FARP1: variants seen among roughly 807,000 people sequenced by gnomAD.
FARP1 encodes the protein FERM, ARH/RhoGEF and pleckstrin domain protein 1.
Under a neutral mutation model 128.8 loss-of-function variants are expected in FARP1, and 52 were observed. That is an observed-to-expected ratio of 0.40 (90% confidence interval 0.32 to 0.51). FARP1 has a LOEUF of 0.51. Ranked by LOEUF, FARP1 falls within the 20% of genes least tolerant of loss-of-function variation. FARP1 has a pLI of 0.45. For missense variants in FARP1, 1,333 were observed against 1,367.9 expected (o/e 0.97, Z 0.40); for synonymous variants, 580 against 551.8 (o/e 1.05, Z -0.72).
intron 16 of FARP1, among the ~76,000 whole-genome samples, chr13:98,422,834 G>A (rs1390665772): frequency 1.3e-5 from 2 of 152,168 alleles, no homozygotes; most frequent in African/African-American, 4.8e-5. Flanking sequence ...CGTTGCCGGA[G>A]GGTTCTTAGC....
At chr13:98,268,602 G>A (rs534443336) in intron 2 of FARP1, among the ~76,000 whole-genome samples, 1 of 152,094 alleles carries the variant, frequency 6.6e-6, no homozygotes, top group South Asian at 2.1e-4. Context: ...TGAGTACCTG[G>A]GATTACAGGC....
intron 26 of FARP1, 71 bp downstream of exon 26, chr13:98,446,888 C>T (rs1177820825): frequency 6.5e-7 from 1 of 1,544,606 alleles, no homozygotes; most frequent in African/African-American, 1.4e-5. Context: ...AGGATTTCTC[C>T]CAAGTCAGCG....
chr13:98,304,958 G>A (rs1886076942), intron 2 of FARP1, among the ~76,000 whole-genome samples: 1 of 152,106 alleles, frequency 6.6e-6, no homozygotes. Context: ...AGCCTCATCT[G>A]TCTGTGGTCT....
At chr13:98,206,177 TTGTGTGTGTGTGTG>T (rs3138577) in intron 1 of FARP1, among the ~76,000 whole-genome samples, 78 of 146,552 alleles carry the variant, frequency 5.3e-4, no homozygotes, top group South Asian at 1.6e-3. Flanking sequence ...TGACTTGAGG[TTGTGTGTGTGTGTG>T]TGTGTGTGTG....
intron 16 of FARP1, among the ~76,000 whole-genome samples, chr13:98,414,469 G>T (rs1594509130): frequency 6.6e-6 from 1 of 152,154 alleles, no homozygotes; most frequent in African/African-American, 2.4e-5. Context: ...AAGGGAAAAA[G>T]GCTGAGTGTG....
At chr13:98,366,194 C>T (rs1276468014) in intron 4 of FARP1, among the ~76,000 whole-genome samples, 2 of 152,122 alleles carry the variant, frequency 1.3e-5, no homozygotes, top group African/African-American at 4.8e-5. Context: ...ATGAAGCTTA[C>T]AGTACCTATG....
chr13:98,213,275 A>G lies in FARP1; in HGVS notation c.33A>G (p.Gly11=). The G allele has an allele frequency of 1.2e-6, 2 of 1,614,024 alleles. No individual in the cohort carries two copies. The highest frequency in any genetic ancestry group is 8.5e-7 in the Non-Finnish European group (1 of 1,179,966). The change falls in exon 2 of 27, where the codon GGA becomes GGG. Residue 11 remains glycine, a synonymous_variant. Transcript: ENST00000319562. Reference sequence around the variant, plus strand: ...AAATAGAGCAGAGGCCGACCCCAGGATCACGACTGGGGGCCCCGGAAAATT... The same window carrying G: ...AAATAGAGCAGAGGCCGACCCCAGGGTCACGACTGGGGGCCCCGGAAAATT... MGEIEQRPTP[G]SRLGAPENSG... is the part of the protein sequence containing the mutation.
chr13:98,338,391 T>C (rs552019655), intron 2 of FARP1: 1 of 152,332 alleles, frequency 6.6e-6, no homozygotes, highest in South Asian at 2.1e-4. Flanking sequence ...AGGCACCTCA[T>C]TGAAGTGGAA....
At chr13:98,371,807 T>C (rs1275904377) in intron 5 of FARP1, among the ~76,000 whole-genome samples, 1 of 152,184 alleles carries the variant, frequency 6.6e-6, no homozygotes, top group Non-Finnish European at 1.5e-5. Flanking sequence ...AACTGGCCTG[T>C]GGTTCAGCAA....
intron 2 of FARP1, among the ~76,000 whole-genome samples, chr13:98,214,930 G>A (rs1338979755): frequency 6.6e-6 from 1 of 152,174 alleles, no homozygotes; most frequent in African/African-American, 2.4e-5. Context: ...TCAGTGAGGT[G>A]TTTCGTTTCA....
intron 1 of FARP1, among the ~76,000 whole-genome samples, chr13:98,206,177 T>TTGTG (rs3138577): frequency 1.7e-3 from 255 of 146,560 alleles, no homozygotes; most frequent in African/African-American, 5.2e-3. Flanking sequence ...TGACTTGAGG[T>TTGTG]TGTGTGTGTG....
At chr13:98,361,190 A>G (rs373444948) in intron 3 of FARP1, among the ~76,000 whole-genome samples, 14 of 152,244 alleles carry the variant, frequency 9.2e-5, no homozygotes, top group African/African-American at 3.1e-4. Flanking sequence ...CAGCTCTGCA[A>G]TCTCGCTGGG....
Position 98,446,654 on chromosome 13 carries a change from T to A in FARP1, c.2905-12T>A. The A allele has an allele frequency of 6.2e-7, 1 of 1,613,590 alleles. No homozygotes were observed. The highest frequency in any genetic ancestry group is 2.2e-5 in the East Asian group (1 of 44,844). On this transcript the variant is annotated splice_polypyrimidine_tract_variant and intron_variant, in intron 25 of 26. Transcript: ENST00000319562. ...CCCCGAAAAGCCACTTTGCTTTGTT[T>A]CCCCTTTCCAGGACAATCATCCCCT...
intron 3 of FARP1, among the ~76,000 whole-genome samples, chr13:98,356,288 GT>G (rs1162858300): frequency 1.3e-5 from 2 of 152,160 alleles, no homozygotes; most frequent in African/African-American, 4.8e-5. Context: ...ACATCACAGA[GT>G]GTACTTACAC....
At chr13:98,352,569 T>G (rs1327734137) in intron 3 of FARP1, among the ~76,000 whole-genome samples, 1 of 152,212 alleles carries the variant, frequency 6.6e-6, no homozygotes, top group Non-Finnish European at 1.5e-5. Flanking sequence ...AAGGAAGCTC[T>G]GGGAGCTTTG....
chr13:98,153,284 TA>T (rs1217533041), intron 1 of FARP1, among the ~76,000 whole-genome samples: 12 of 58,566 alleles, frequency 2.0e-4, no homozygotes, highest in South Asian at 7.9e-4. Context: ...TATATATATA[TA>T]AAATATATAT....
chr13:98,219,336 G>C, intron 2 of FARP1, among the ~76,000 whole-genome samples: 1 of 151,702 alleles, frequency 6.6e-6, no homozygotes, highest in Non-Finnish European at 1.5e-5. Flanking sequence ...CTCTGTCTTT[G>C]TCTATATTTA....
intron 2 of FARP1, among the ~76,000 whole-genome samples, chr13:98,251,538 C>G (rs2139492753): frequency 6.6e-6 from 1 of 152,116 alleles, no homozygotes; most frequent in South Asian, 2.1e-4. Flanking sequence ...CAAAAATTAG[C>G]TGGGCATGGT....
At chr13:98,167,833 G>A (rs561290743) in intron 1 of FARP1, among the ~76,000 whole-genome samples, 1 of 152,290 alleles carries the variant, frequency 6.6e-6, no homozygotes, top group East Asian at 1.9e-4. Flanking sequence ...CAGTAGTAAT[G>A]ATGCACAGCT....
Sources: gnomAD v4.1 joint callset for allele counts (sites outside exome capture counted in the v4.1 genomes callset) on GRCh38, gnomAD v4.1.1 for gene constraint, MANE v1.5 for transcripts, NCBI Gene and HGNC (gene_info 2026-07-23, HGNC 2026-07-21) for gene names.